The following CMIP variants were observed in gnomAD, a reference collection of about 807,000 sequenced individuals.
CMIP encodes the protein c-Maf inducing protein.
CMIP carries 13 observed loss-of-function variants against 97.3 expected under a neutral mutation model. That is an observed-to-expected ratio of 0.13 (90% confidence interval 0.09 to 0.21). The LOEUF (loss-of-function observed/expected upper bound fraction) is 0.21, where lower values mean the gene tolerates loss of function less well. Ranked by LOEUF, CMIP falls within the 10% of genes least tolerant of loss-of-function variation. The pLI is 1.00. For missense variants in CMIP, 847 were observed against 1,024.9 expected, an observed-to-expected ratio of 0.83 and a Z score of 2.37; for synonymous variants, 538 against 436.3, an observed-to-expected ratio of 1.23 and a Z score of -2.91.
At position 81,625,218 on chromosome 16, in the gene CMIP, G is replaced by A. The variant is rs566080306; in HGVS notation, c.477+4292G>A. ...CTGAGGAGGCCTGGAGCCTGCAGGA[G>A]GAGGGCCAGGATCTCCCAGCCCATG... is the stretch of plus-strand genomic sequence containing the variant. On this transcript the variant is annotated intron_variant, in intron 3 of 20. Coordinates refer to ENST00000537098, the MANE Select transcript of CMIP (RefSeq NM_198390.3). Among the ~76,000 whole-genome samples, 3 of 152,392 alleles carry A rather than the reference G, an allele frequency of 2.0e-5. No homozygotes were observed. The South Asian group carries it at 6.2e-4, about 32-fold the overall frequency.
intron 1 of CMIP, among the ~76,000 whole-genome samples, chr16:81,500,272 G>GTCCGTCCGTCCTTCCTTCCTTCCTTCCT (rs1567546095): frequency 1.5e-5 from 1 of 64,836 alleles, no homozygotes; most frequent in African/African-American, 6.0e-5. Flanking sequence ...CCTTCCTTCC[G>GTCCGTCCGTCCTTCCTTCCTTCCTTCCT]TCCTTCCTTC....
intron 1 of CMIP, among the ~76,000 whole-genome samples, chr16:81,568,765 T>C (rs2287112): frequency 4.6e-5 from 7 of 152,132 alleles, no homozygotes; most frequent in African/African-American, 1.7e-4. Flanking sequence ...AAGTGACCCT[T>C]GAGCGTGGAA....
rs1190244146 is a variant in CMIP, at chr16:81,614,996, G to A, written c.427-5880G>A. 6.6e-6 allele frequency among the ~76,000 whole-genome samples: 1 copy of A among 151,024 alleles called. No homozygotes were observed. The highest frequency in any genetic ancestry group is 1.9e-4 in the East Asian group (1 of 5,134). On this transcript the variant is annotated intron_variant, in intron 2 of 20. Transcript: ENST00000537098. The surrounding 1 kb of genome is among the most constrained non-coding windows in gnomAD (Gnocchi z 5.3). The stretch of plus-strand genomic sequence containing the variant: ...TATGTGACGTGTGTGTGTGGTGTAT[G>A]TGTCTATATGTGATGTCTCTGTGTG...
chr16:81,704,903 G>T (rs1907953033), intron 18 of CMIP, among the ~76,000 whole-genome samples: 1 of 151,798 alleles, frequency 6.6e-6, no homozygotes, highest in Non-Finnish European at 1.5e-5. Flanking sequence ...CTGAGGTTCT[G>T]AGAGGTAGAG....
chr16:81,476,454 G>C (rs1907925398), intron 1 of CMIP: 1 of 878,250 alleles, frequency 1.1e-6, no homozygotes, highest in Non-Finnish European at 1.9e-6. Flanking sequence ...CAAACAGCTC[G>C]AAGGAGATGC....
chr16:81,445,173 G>T lies in CMIP; in HGVS notation c.-69G>T. 1 of 1,046,116 alleles carries T rather than the reference G, an allele frequency of 9.6e-7. No homozygotes were observed. Among genetic ancestry groups the T allele is most frequent in the African/African-American group, 1.7e-5 (1 of 57,168 alleles). The allele number at this position is 1,046,116 out of a possible 1,614,324, so 64.8% of individuals were successfully genotyped here. On this transcript the variant is annotated 5_prime_UTR_variant, in exon 1 of 21. Transcript: ENST00000537098. ...GGGGGTGCGGGCCGCCGGATCCGGG[G>T]GCCCCGCCGCCCCAGCAGCCCAGGA...
At chr16:81,586,196 C>T (rs948598105) in intron 1 of CMIP, among the ~76,000 whole-genome samples, 5 of 152,076 alleles carry the variant, frequency 3.3e-5, no homozygotes, top group Non-Finnish European at 7.4e-5. Context: ...ATCAGGACCC[C>T]ACTTACCAGG....
chr16:81,562,056 C>T (rs1395275527), intron 1 of CMIP, among the ~76,000 whole-genome samples: 1 of 152,172 alleles, frequency 6.6e-6, no homozygotes, highest in East Asian at 1.9e-4. Context: ...GCAGGACACA[C>T]TCGTGGGTTA....
At position 81,711,583 on chromosome 16, in the gene CMIP, T is replaced by TA. The variant is rs1210311943; in HGVS notation, c.*1791dup. 1 of 105,280 alleles carries TA rather than the reference T, an allele frequency of 9.5e-6. No homozygotes were observed. Among genetic ancestry groups the TA allele is most frequent in the African/African-American group, 3.7e-5 (1 of 26,926 alleles). The allele number at this position is 105,280 out of a possible 1,614,324, so 6.5% of individuals were successfully genotyped here. A position where few individuals can be genotyped will look rare whatever the true frequency, so the allele number is the denominator to read the frequency against. The stretch of plus-strand genomic sequence containing the variant: ...GAAGCAGAAGCAAAAAAAATAAAAA[T>TA]AAAAAAATAAATAAAAATAAAAAAA... On this transcript the variant is annotated 3_prime_UTR_variant, in exon 21 of 21. Transcript: ENST00000537098.
chr16:81,604,713 C>G (rs1388346208), intron 1 of CMIP, among the ~76,000 whole-genome samples: 1 of 151,856 alleles, frequency 6.6e-6, no homozygotes, highest in Non-Finnish European at 1.5e-5. Flanking sequence ...CAAAACAAAA[C>G]AAAAAAACAG....
At chr16:81,487,593 C>T (rs1161426585) in intron 1 of CMIP, among the ~76,000 whole-genome samples, 1 of 152,212 alleles carries the variant, frequency 6.6e-6, no homozygotes, top group East Asian at 1.9e-4. Flanking sequence ...AGGCTCTGGG[C>T]TTTGTGGTCA....
chr16:81,544,630 ATGTGTGTGTGCC>A (rs2090510581), intron 1 of CMIP, among the ~76,000 whole-genome samples: 1 of 150,052 alleles, frequency 6.7e-6, no homozygotes, highest in Non-Finnish European at 1.5e-5. Flanking sequence ...GCATGTGTGC[ATGTGTGTGTGCC>A]TGTGTGTGTG....
At chr16:81,576,666 G>T (rs1225679972) in intron 1 of CMIP, among the ~76,000 whole-genome samples, 3 of 152,118 alleles carry the variant, frequency 2.0e-5, no homozygotes, top group African/African-American at 7.2e-5. Flanking sequence ...ATTACCCACT[G>T]CTGTGTACTT....
intron 1 of CMIP, among the ~76,000 whole-genome samples, chr16:81,450,492 T>C (rs749964240): frequency 1.3e-5 from 2 of 152,328 alleles, no homozygotes; most frequent in African/African-American, 4.8e-5. Context: ...AGAGGATAGA[T>C]AAGCACCTAC....
At chr16:81,607,916 A>G (rs959638653) in intron 2 of CMIP, among the ~76,000 whole-genome samples, 4 of 152,230 alleles carry the variant, frequency 2.6e-5, no homozygotes. Context: ...GCTGCAGTCT[A>G]GGAACTTTTC....
At chr16:81,491,718 T>C (rs2089408863) in intron 1 of CMIP, among the ~76,000 whole-genome samples, 1 of 152,192 alleles carries the variant, frequency 6.6e-6, no homozygotes, top group Non-Finnish European at 1.5e-5. Flanking sequence ...TCTGGATCAT[T>C]TGGCACCCTT....
intron 4 of CMIP, among the ~76,000 whole-genome samples, chr16:81,657,137 A>G (rs1174542299): frequency 2.0e-5 from 3 of 152,222 alleles, no homozygotes; most frequent in African/African-American, 7.2e-5. Flanking sequence ...CAATTATTTA[A>G]GAAAAGTCCA....
At chr16:81,499,731 C>T (rs1306138999) in intron 1 of CMIP, among the ~76,000 whole-genome samples, 2 of 152,244 alleles carry the variant, frequency 1.3e-5, no homozygotes, top group Admixed American at 6.5e-5. Flanking sequence ...TCAGCTTCCC[C>T]GTCCAGTCCT....
intron 2 of CMIP, among the ~76,000 whole-genome samples, chr16:81,615,045 T>C (rs1171180018): frequency 4.0e-5 from 6 of 149,772 alleles, no homozygotes; most frequent in Non-Finnish European, 8.9e-5. Flanking sequence ...TGCATGTGTA[T>C]CTGTGTGTCT....
Sources: gnomAD v4.1 joint callset for allele counts (sites outside exome capture counted in the v4.1 genomes callset) on GRCh38, gnomAD v4.1.1 for gene constraint, Gnocchi (gnomAD v3.1) non-coding constraint, MANE v1.5 for transcripts, NCBI Gene and HGNC (gene_info 2026-07-23, HGNC 2026-07-21) for gene names.